XIRP2: variants seen among roughly 807,000 people sequenced by gnomAD.
XIRP2 encodes xin actin-binding repeat-containing protein 2.
XIRP2 carries 236 observed loss-of-function variants against 277.0 expected under a neutral mutation model. The observed-to-expected ratio is 0.85, with a 90% CI of 0.77 to 0.95. XIRP2 has a LOEUF of 0.95. Among genes scored for constraint, XIRP2 ranks in the 40% least tolerant of loss-of-function variants. The pLI is 0.00. For missense variants in XIRP2, 4,640 were observed against 4,157.5 expected, an observed-to-expected ratio of 1.12 and a Z score of -3.19; for synonymous variants, 1,490 against 1,416.5, an observed-to-expected ratio of 1.05 and a Z score of -1.17.
Position 167,251,747 on chromosome 2 carries a change from A to G in XIRP2, c.10355A>G (p.Lys3452Arg). The change falls in exon 9 of 11, where the codon AAG (lysine) becomes AGG (arginine). Residue 3452 changes from lysine (K) to arginine (R), a missense_variant. Lys to Arg is a conservative substitution (Grantham distance 26). Coordinates refer to ENST00000409195, the MANE Select transcript of XIRP2 (RefSeq NM_152381.6). Reference protein sequence around the residue: ...SEAGKSGCDFKHAPPTYEDVI... With the variant: ...SEAGKSGCDFRHAPPTYEDVI... Reference sequence around the variant, plus strand: ...GCTGGCAAATCTGGCTGTGACTTCAAGCATGCCCCACCAACCTATGAGGAT... The same window carrying G: ...GCTGGCAAATCTGGCTGTGACTTCAGGCATGCCCCACCAACCTATGAGGAT... 1 of 1,613,380 alleles carries G rather than the reference A, an allele frequency of 6.2e-7. No individual in the cohort carries two copies. Among genetic ancestry groups the G allele is most frequent in the East Asian group, 2.2e-5 (1 of 44,838 alleles).
chr2:167,195,609 T>A (rs1344228710), intron 3 of XIRP2, among the ~76,000 whole-genome samples: 1 of 151,944 alleles, frequency 6.6e-6, no homozygotes, highest in Admixed American at 6.6e-5. Context: ...GGAAGATGGG[T>A]CTGTGAAGAC....
At chr2:167,085,406 A>G (rs1280645569) in intron 2 of XIRP2, among the ~76,000 whole-genome samples, 2 of 149,752 alleles carry the variant, frequency 1.3e-5, no homozygotes, top group Middle Eastern at 3.5e-3. Context: ...GTGCTGAAAA[A>G]AATGTATATT....
chr2:167,168,274 G>A (rs1205937169), intron 3 of XIRP2, among the ~76,000 whole-genome samples: 1 of 151,986 alleles, frequency 6.6e-6, no homozygotes, highest in Non-Finnish European at 1.5e-5. Context: ...GTGGTTTGGT[G>A]TCTAACATTA....
At chr2:166,960,227 G>A (rs973156190) in intron 2 of XIRP2, among the ~76,000 whole-genome samples, 1 of 151,538 alleles carries the variant, frequency 6.6e-6, no homozygotes, top group Non-Finnish European at 1.5e-5. Context: ...TATGTTAGTT[G>A]AATGATGAAG....
intron 2 of XIRP2, among the ~76,000 whole-genome samples, chr2:167,050,332 A>G (rs988716644): frequency 2.0e-5 from 3 of 152,082 alleles, no homozygotes; most frequent in East Asian, 1.9e-4. Flanking sequence ...CTTTGGTTAT[A>G]TCGGATTTAA....
At chr2:167,204,250 G>T (rs2105381713) in intron 3 of XIRP2, among the ~76,000 whole-genome samples, 1 of 152,262 alleles carries the variant, frequency 6.6e-6, no homozygotes, top group East Asian at 1.9e-4. Flanking sequence ...AATTTATTTT[G>T]TGTCACAATA....
chr2:167,088,918 T>A (rs565063373), intron 2 of XIRP2, among the ~76,000 whole-genome samples: 8 of 152,284 alleles, frequency 5.3e-5, no homozygotes, highest in Middle Eastern at 6.8e-3. Context: ...AATTTCATTC[T>A]CTGTCTTCCC....
At position 166,969,439 on chromosome 2, in the gene XIRP2, A is replaced by G. The variant is rs189987633; in HGVS notation, c.408+65549A>G. On this transcript the variant is annotated intron_variant, in intron 2 of 10. Transcript: ENST00000409195. ...CTGCAGCCTTTAAATTTGATAAATA[A>G]CTACTTATTAATATGAAACATGATA... 2.5e-4 allele frequency among the ~76,000 whole-genome samples: 38 copies of G among 152,136 alleles called. No individual in the cohort carries two copies. The East Asian group carries it at 7.0e-3, about 28-fold the overall frequency.
intron 2 of XIRP2, among the ~76,000 whole-genome samples, chr2:166,915,945 A>C (rs1230846477): frequency 6.6e-6 from 1 of 152,216 alleles, no homozygotes; most frequent in Non-Finnish European, 1.5e-5. Context: ...TACAAGTTGT[A>C]CTTCCTTGGG....
chr2:167,167,101 T>C (rs562928917), intron 3 of XIRP2, among the ~76,000 whole-genome samples: 1 of 152,344 alleles, frequency 6.6e-6, no homozygotes, highest in South Asian at 2.1e-4. Flanking sequence ...TTACCCCTTA[T>C]AAATTACCTT....
At chr2:166,926,731 A>T (rs1685197634) in intron 2 of XIRP2, among the ~76,000 whole-genome samples, 1 of 152,122 alleles carries the variant, frequency 6.6e-6, no homozygotes. Context: ...AAAGAAATAC[A>T]ATTTCATTGT....
At chr2:166,891,820 G>T (rs1047879822) in intron 1 of XIRP2, among the ~76,000 whole-genome samples, 7 of 152,028 alleles carry the variant, frequency 4.6e-5, no homozygotes, top group African/African-American at 1.7e-4. Flanking sequence ...CATAATCCTT[G>T]GGATTCTTAC....
rs545474568 is a variant in XIRP2 at position 167,251,571 on chromosome 2, T to C, written c.10179T>C (p.His3393=). The C allele has an allele frequency of 1.2e-6, 2 of 1,613,564 alleles. No homozygotes were observed. Among genetic ancestry groups the C allele is most frequent in the Non-Finnish European group, 1.7e-6 (2 of 1,179,642 alleles). Residue 3393 remains histidine (H), a synonymous_variant, in exon 9 of 11, where the codon CAT becomes CAC. Coordinates refer to ENST00000409195, the MANE Select transcript of XIRP2 (RefSeq NM_152381.6). ...NTSFTDFSCK[H]PRELREKIPV... is the part of the protein sequence containing the mutation. ...GTTTTACAGACTTTTCTTGCAAACA[T>C]CCTAGAGAACTGCGAGAAAAGATTC...
chr2:166,941,326 T>C (rs1685708428), intron 2 of XIRP2, among the ~76,000 whole-genome samples: 1 of 152,214 alleles, frequency 6.6e-6, no homozygotes, highest in Admixed American at 6.5e-5. Context: ...TGACCTGATT[T>C]TCCAGGTGCC....
chr2:166,933,770 T>C (rs768107561), intron 2 of XIRP2, among the ~76,000 whole-genome samples: 11 of 152,178 alleles, frequency 7.2e-5, no homozygotes, highest in Non-Finnish European at 1.3e-4. Context: ...TTACTATTTA[T>C]TACAAAGCTA....
intron 3 of XIRP2, among the ~76,000 whole-genome samples, chr2:167,182,827 G>GA (rs936160049): frequency 2.0e-5 from 3 of 151,838 alleles, no homozygotes; most frequent in African/African-American, 7.3e-5. Flanking sequence ...ATTAAAGAAA[G>GA]AAAAAAATAT....
intron 2 of XIRP2, among the ~76,000 whole-genome samples, chr2:166,908,485 G>T (rs1025150316): frequency 6.6e-6 from 1 of 152,046 alleles, no homozygotes. Context: ...TTGTAAGTTT[G>T]TTTGAGTTCT....
intron 2 of XIRP2, among the ~76,000 whole-genome samples, chr2:167,057,209 G>A (rs1689060173): frequency 1.3e-5 from 2 of 152,096 alleles, no homozygotes; most frequent in Admixed American, 1.3e-4. Flanking sequence ...AGATAATAAA[G>A]CATGGGAATG....
chr2:167,168,924 G>T (rs1340970799), intron 3 of XIRP2, among the ~76,000 whole-genome samples: 1 of 151,998 alleles, frequency 6.6e-6, no homozygotes, highest in Non-Finnish European at 1.5e-5. Context: ...ATCCATTAGG[G>T]CCCTTAGCAT....
Sources: gnomAD v4.1 joint callset for allele counts (sites outside exome capture counted in the v4.1 genomes callset) on GRCh38, gnomAD v4.1.1 for gene constraint, MANE v1.5 for transcripts, NCBI Gene and HGNC (gene_info 2026-07-23, HGNC 2026-07-21) for gene names.